NOP16: variants seen among roughly 807,000 people sequenced by gnomAD.
The protein encoded by NOP16 is NOP16 nucleolar protein.
A neutral mutation model predicts 22.7 loss-of-function variants in NOP16; 14 were observed. That is an observed-to-expected ratio of 0.62 (90% CI 0.41 to 0.97). NOP16 has a LOEUF of 0.97. NOP16 is among the 50% of genes least tolerant of loss of function. The pLI is 0.00. For missense variants in NOP16, 198 were observed against 235.9 expected (o/e 0.84, Z 1.05); for synonymous variants, 80 against 83.6 (o/e 0.96, Z 0.23).
At chr5:176,387,600 G>C (rs980186735) in intron 2 of NOP16, among the ~76,000 whole-genome samples, 1 of 149,636 alleles carries the variant, frequency 6.7e-6, no homozygotes, top group Non-Finnish European at 1.5e-5. Flanking sequence ...CCATTTTATA[G>C]ATAGGCAGGC....
rs201556482 is a variant in NOP16, at chr5:176,384,309, G to A, written c.459C>T (p.Asn153=). 84 of 1,614,104 alleles carry A rather than the reference G, an allele frequency of 5.2e-5. No individual in the cohort carries two copies. The highest frequency in any genetic ancestry group is 6.4e-5 in the Non-Finnish European group (76 of 1,180,036). The part of the protein sequence containing the change: ...DTPKQIRSKI[N]VYKRFYPAEW... ...CTGCTGGGTAAAAGCGTTTATAGAC[G>A]TTGATCTTACTCCGAATCTGTTTTG... The change falls in exon 5 of 5, where the codon AAC becomes AAT. Residue 153 remains asparagine, a synonymous_variant. Transcript: ENST00000614830.
chr5:176,386,156 T>C (rs1232234494), intron 3 of NOP16: 1 of 156,162 alleles, frequency 6.4e-6, no homozygotes, highest in African/African-American at 2.4e-5. Context: ...GTTAGGATGG[T>C]AACTTTTATG....
At chr5:176,388,175 G>A in intron 2 of NOP16, 60 bp downstream of exon 2, 1 of 1,289,820 alleles carries the variant, frequency 7.8e-7, no homozygotes, top group Non-Finnish European at 1.1e-6. Flanking sequence ...CTGACACCTA[G>A]GTCAGTATGG....
At chr5:176,385,728 T>C (rs1200800570) in intron 3 of NOP16, among the ~76,000 whole-genome samples, 2 of 152,194 alleles carry the variant, frequency 1.3e-5, no homozygotes, top group East Asian at 1.9e-4. Flanking sequence ...TGATGTATTA[T>C]TGCAACACAT....
At position 176,388,566 on chromosome 5, in the gene NOP16, A is replaced by G. The variant is rs1214581415; in HGVS notation, c.-27T>C. On this transcript the variant is annotated 5_prime_UTR_variant, in exon 1 of 5. Transcript: ENST00000614830. Reference sequence around the variant, plus strand: ...GCGCTGACCACCGCACCAGCAGCTCAAACACGCTGCCTCTGTCTCTCAGAC... The same window carrying G: ...GCGCTGACCACCGCACCAGCAGCTCGAACACGCTGCCTCTGTCTCTCAGAC... 1 of 1,579,998 alleles carries G rather than the reference A, an allele frequency of 6.3e-7. No homozygotes were observed. Among genetic ancestry groups the G allele is most frequent in the Non-Finnish European group, 8.7e-7 (1 of 1,151,582 alleles).
At chr5:176,385,022 G>A (rs556311921) in intron 4 of NOP16, 199 bp downstream of exon 4, 6 of 591,294 alleles carry the variant, frequency 1.0e-5, no homozygotes, top group Non-Finnish European at 1.5e-5. Flanking sequence ...AGTGAGACTG[G>A]AACCAAGGTC....
intron 2 of NOP16, 143 bp downstream of exon 2, chr5:176,388,092 A>G: frequency 1.6e-6 from 1 of 626,870 alleles, no homozygotes. Flanking sequence ...GCTCAACGTC[A>G]GTTGAGCGTT....
At position 176,388,303 on chromosome 5, in the gene NOP16, G is replaced by T. The variant is rs1756056570; in HGVS notation, c.148C>A (p.Arg50=). The change falls in exon 2 of 5, where the codon CGG becomes AGG. Residue 50 remains arginine, a synonymous_variant. Transcript: ENST00000614830. Reference sequence around the variant, plus strand: ...AACCCCATCTCGGCCAGGTTCTGCCGTACCGATTTAGCGTGGTCCCAGGCA... The same window carrying T: ...AACCCCATCTCGGCCAGGTTCTGCCTTACCGATTTAGCGTGGTCCCAGGCA... ...RHAWDHAKSV[R]QNLAEMGLAV... is the part of the protein sequence containing the mutation. 3 of 1,614,066 alleles carry T rather than the reference G, an allele frequency of 1.9e-6. No homozygotes were observed. In the African/African-American group the frequency reaches 4.0e-5, roughly 22 times the overall value.
In NOP16 at chr5:176,388,483, T is replaced by C; in HGVS notation, c.57A>G (p.Arg19=). The change falls in exon 1 of 5, where the codon CGA becomes CGG. Residue 19 remains arginine (R), a synonymous_variant. Transcript: ENST00000614830. ...GTCGAGCATTCCGGTTCAGACGCTT[T>C]CGGTTGACACTGTAACCAAACTTCT... The part of the protein sequence containing the change: ...RRQKFGYSVN[R]KRLNRNARRK... The C allele has an allele frequency of 6.2e-7, 1 of 1,614,232 alleles. No individual in the cohort carries two copies.
rs376739245 is a variant in NOP16, at chr5:176,384,212, C to A, written c.*19G>T. On this transcript the variant is annotated 3_prime_UTR_variant, in exon 5 of 5. Coordinates refer to ENST00000614830, the MANE Select transcript of NOP16 (RefSeq NM_016391.8). ...GTCCGGGGGACGCCTCAGCCTGGGG[C>A]AGCTGTGATGTAAACCAGTCACTCC... is the stretch of plus-strand genomic sequence containing the variant. The A allele has an allele frequency of 1.5e-5, 25 of 1,614,056 alleles. No homozygotes were observed. In the Admixed American group the frequency reaches 2.0e-4, roughly 13 times the overall value.
chr5:176,386,777 G>A (rs1430690072), intron 3 of NOP16, 63 bp downstream of exon 3: 1 of 1,419,676 alleles, frequency 7.0e-7, no homozygotes, highest in South Asian at 1.1e-5. Flanking sequence ...GACATCTTAG[G>A]GCCCTTCCCA....
At chr5:176,386,950 T>G in intron 2 of NOP16, 41 bp from the exon 3 acceptor site, 1 of 1,563,524 alleles carries the variant, frequency 6.4e-7, no homozygotes, top group Non-Finnish European at 8.8e-7. Context: ...GGATCTTTGA[T>G]GAGGGAAAGT....
At chr5:176,386,644 T>TA in intron 3 of NOP16, 196 bp downstream of exon 3, 1 of 679,734 alleles carries the variant, frequency 1.5e-6, no homozygotes, top group Non-Finnish European at 2.7e-6. Context: ...GTTCACACAG[T>TA]AAGGTCAGGG....
At chr5:176,386,314 T>C (rs1755840848) in intron 3 of NOP16, 1 of 183,874 alleles carries the variant, frequency 5.4e-6, no homozygotes, top group Admixed American at 5.4e-5. Context: ...CTGTATCAAA[T>C]GTCTGGCCAT....
chr5:176,385,015 G>A (rs944396245), intron 4 of NOP16: 9 of 584,448 alleles, frequency 1.5e-5, no homozygotes, highest in African/African-American at 1.5e-4. Context: ...ATCTGTGAGT[G>A]AGACTGGAAC....
intron 3 of NOP16, chr5:176,386,118 C>G (rs939897888): frequency 6.5e-6 from 1 of 153,442 alleles, no homozygotes; most frequent in Non-Finnish European, 1.4e-5. Context: ...AAGTCAATAT[C>G]CTTTACTGAA....
intron 2 of NOP16, 31 bp from the exon 3 acceptor site, chr5:176,386,940 G>T: frequency 6.2e-7 from 1 of 1,600,294 alleles, no homozygotes; most frequent in Non-Finnish European, 8.6e-7. Context: ...GAGACCAGAA[G>T]GATCTTTGAT....
chr5:176,385,189 C>T (rs1319138760), intron 4 of NOP16, 32 bp downstream of exon 4: 2 of 1,334,746 alleles, frequency 1.5e-6, no homozygotes, highest in Non-Finnish European at 2.2e-6. Context: ...AGGGCGCCTT[C>T]CCAGCCAGCC....
At chr5:176,387,873 G>A (rs2113598294) in intron 2 of NOP16, among the ~76,000 whole-genome samples, 1 of 152,316 alleles carries the variant, frequency 6.6e-6, no homozygotes, top group Non-Finnish European at 1.5e-5. Context: ...TCAGACCAAG[G>A]ATGATTGAAT....
Sources: gnomAD v4.1 joint callset for allele counts (sites outside exome capture counted in the v4.1 genomes callset) on GRCh38, gnomAD v4.1.1 for gene constraint, MANE v1.5 for transcripts, NCBI Gene and HGNC (gene_info 2026-07-23, HGNC 2026-07-21) for gene names.